TAF5: variants seen among roughly 807,000 people sequenced by gnomAD.
The protein encoded by TAF5 is TATA-box binding protein associated factor 5.
In TAF5, 20 loss-of-function variants were observed where a neutral mutation model predicts 80.9. The observed-to-expected ratio is 0.25, with a 90% CI of 0.17 to 0.36. The LOEUF (loss-of-function observed/expected upper bound fraction) is 0.36, where lower values mean the gene tolerates loss of function less well. TAF5 is among the 10% of genes least tolerant of loss of function. The pLI is 1.00. For missense variants in TAF5, 863 were observed against 1,029.4 expected, an observed-to-expected ratio of 0.84 and a Z score of 2.21; for synonymous variants, 388 against 406.4, an observed-to-expected ratio of 0.95 and a Z score of 0.55.
intron 1 of TAF5, among the ~76,000 whole-genome samples, chr10:103,368,765 C>T (rs1490537424): frequency 6.6e-6 from 1 of 152,170 alleles, no homozygotes; most frequent in Non-Finnish European, 1.5e-5. Flanking sequence ...AGCTGTTGAG[C>T]AGAGGGATGT....
At position 103,368,513 on chromosome 10, in the gene TAF5, C is replaced by T; in HGVS notation, c.524C>T (p.Ser175Leu). The T allele has an allele frequency of 6.4e-7, 1 of 1,561,726 alleles. No homozygotes were observed. The change falls in exon 1 of 11, where the codon TCA becomes TTA. Residue 175 changes from serine (S) to leucine (L), a missense_variant. Physicochemically the swap from Ser to Leu is moderately radical, Grantham distance 145. Transcript: ENST00000369839. The part of the protein sequence containing the change: ...GTGASGATVV[S>L]GSASGPAAPG... ...GGCGCTTCGGGGGCCACGGTCGTCT[C>T]AGGTTCAGCCTCAGGTCCTGCGGCT...
chr10:103,376,581 A>G (rs77202190), intron 2 of TAF5, among the ~76,000 whole-genome samples: 3 of 137,876 alleles, frequency 2.2e-5, no homozygotes, highest in African/African-American at 5.4e-5. Context: ...AGTGCTTTTG[A>G]AAAAAAAAAA....
rs2093398842 is a variant in TAF5 at position 103,387,237 on chromosome 10, A to C, written c.1892A>C (p.Asn631Thr). Residue 631 changes from asparagine to threonine, a missense_variant, in exon 9 of 11, where the codon AAT (asparagine) becomes ACT (threonine). Physicochemically the swap from Asn to Thr is moderately conservative, Grantham distance 65. Transcript: ENST00000369839. The part of the protein sequence containing the change: ...RIFAGHLADV[N>T]CTRFHPNSNY... ...TTTGCCGGCCATCTTGCTGATGTGA[A>C]TTGTACCAGATTCCATCCAAATTCT... The C allele has an allele frequency of 6.2e-7, 1 of 1,614,026 alleles. No individual in the cohort carries two copies. Among genetic ancestry groups the C allele is most frequent in the Non-Finnish European group, 8.5e-7 (1 of 1,180,028 alleles).
intron 6 of TAF5, 127 bp downstream of exon 6, chr10:103,381,968 C>G: frequency 7.5e-7 from 1 of 1,329,766 alleles, no homozygotes; most frequent in Non-Finnish European, 1.0e-6. Flanking sequence ...ACTCAAGATT[C>G]TAACATTCCC....
intron 1 of TAF5, 56 bp from the exon 2 acceptor site, chr10:103,373,302 A>T: frequency 7.0e-7 from 1 of 1,426,024 alleles, no homozygotes. Context: ...CAATACAGCC[A>T]TAGTCACATG....
chr10:103,371,258 AAAGAG>A (rs1453277663), intron 1 of TAF5, among the ~76,000 whole-genome samples: 2 of 151,862 alleles, frequency 1.3e-5, no homozygotes, highest in South Asian at 2.1e-4. Context: ...AAAAAAAAAA[AAAGAG>A]AGAGGAATCT....
intron 3 of TAF5, among the ~76,000 whole-genome samples, chr10:103,379,326 TA>T (rs1408109673): frequency 6.6e-6 from 1 of 152,196 alleles, no homozygotes; most frequent in African/African-American, 2.4e-5. Flanking sequence ...AGGAAAACAA[TA>T]TTTTTTTGAT....
Position 103,368,168 on chromosome 10 carries a change from A to T in TAF5, c.179A>T (p.Asp60Val). The change falls in exon 1 of 11, where the codon GAT (aspartate) becomes GTT (valine). Residue 60 changes from aspartate (D) to valine (V), a missense_variant. By Grantham distance (152) the Asp-to-Val change is radical. Transcript: ENST00000369839. Reference protein sequence around the residue: ...NVAASSSTGGDGGTPKPTVAV... With the variant: ...NVAASSSTGGVGGTPKPTVAV... ...GCGGCGTCGTCGTCCACTGGCGGGG[A>T]TGGCGGGACCCCCAAGCCCACGGTG... 1.4e-6 allele frequency: 2 copies of T among 1,391,096 alleles called. No homozygotes were observed. Among genetic ancestry groups the T allele is most frequent in the Non-Finnish European group, 1.9e-6 (2 of 1,074,560 alleles). The allele number at this position is 1,391,096 out of a possible 1,614,324, so 86.2% of individuals were successfully genotyped here.
chr10:103,373,195 C>CAA (rs371928380), intron 1 of TAF5, among the ~76,000 whole-genome samples, 163 bp from the exon 2 acceptor site: 7 of 99,526 alleles, frequency 7.0e-5, no homozygotes, highest in Admixed American at 1.1e-4. Flanking sequence ...GACTCCCTCT[C>CAA]AAAAAAAAAA....
At chr10:103,368,736 C>T (rs1217392870) in intron 1 of TAF5, among the ~76,000 whole-genome samples, 188 bp downstream of exon 1, 1 of 152,180 alleles carries the variant, frequency 6.6e-6, no homozygotes, top group African/African-American at 2.4e-5. Context: ...GCTGTCAGTT[C>T]CAGTGAGAAG....
At position 103,370,451 on chromosome 10, in the gene TAF5, G is replaced by T. The variant is rs562240625; in HGVS notation, c.559+1903G>T. ...AGCGATTCTCCTGCCTCAGCCTCCC[G>T]AGTAGGTGGGACCACAGGCACGTGC... On this transcript the variant is annotated intron_variant, in intron 1 of 10. Transcript: ENST00000369839. Among the ~76,000 whole-genome samples the T allele has an allele frequency of 5.5e-5, 8 of 146,418 alleles. No homozygotes were observed. The South Asian group carries it at 1.9e-3, about 34-fold the overall frequency.
rs1050324071 is a variant in TAF5 at position 103,374,231 on chromosome 10, AAG to A, written c.797+639_797+640del. 6.6e-6 allele frequency among the ~76,000 whole-genome samples: 1 copy of A among 152,234 alleles called. No homozygotes were observed. Among genetic ancestry groups the A allele is most frequent in the African/African-American group, 2.4e-5 (1 of 41,462 alleles). ...AGCAGTGTTAGGATTCGATTAGAAT[AAG>A]AGTAACTGAGAACCCAAACAACAGA... On this transcript the variant is annotated intron_variant, in intron 2 of 10. Coordinates refer to ENST00000369839, the MANE Select transcript of TAF5 (RefSeq NM_006951.5). The surrounding 1 kb of genome is among the most constrained non-coding windows in gnomAD (Gnocchi z 4.3).
intron 10 of TAF5, 122 bp downstream of exon 10, chr10:103,387,820 C>T: frequency 8.8e-7 from 1 of 1,138,704 alleles, no homozygotes; most frequent in Non-Finnish European, 1.3e-6. Context: ...TCCAGAGTGT[C>T]ATCCTACATC....
At chr10:103,372,624 G>A (rs572785650) in intron 1 of TAF5, among the ~76,000 whole-genome samples, 4 of 149,342 alleles carry the variant, frequency 2.7e-5, no homozygotes, top group Admixed American at 6.7e-5. Context: ...GGGAGCCACC[G>A]CACCCGGCGG....
intron 5 of TAF5, 149 bp downstream of exon 5, chr10:103,380,168 C>A: frequency 3.1e-6 from 3 of 980,788 alleles, no homozygotes; most frequent in Non-Finnish European, 4.4e-6. Context: ...CTCGCTCTGT[C>A]GCCCAGCTGG....
intron 8 of TAF5, among the ~76,000 whole-genome samples, chr10:103,386,436 TCAAAA>T: frequency 6.6e-6 from 1 of 152,144 alleles, no homozygotes; most frequent in Admixed American, 6.5e-5. Context: ...TGAGACTGTC[TCAAAA>T]CAAAACAACT....
intron 7 of TAF5, among the ~76,000 whole-genome samples, chr10:103,384,032 TA>T (rs2093389658): frequency 1.3e-5 from 2 of 152,238 alleles, no homozygotes; most frequent in African/African-American, 4.8e-5. Flanking sequence ...AGAACTCCAT[TA>T]GGGGTTGAAT....
intron 3 of TAF5, among the ~76,000 whole-genome samples, chr10:103,379,287 A>C (rs1161166098): frequency 6.6e-6 from 1 of 152,234 alleles, no homozygotes; most frequent in Non-Finnish European, 1.5e-5. Flanking sequence ...CAAAAGGCAT[A>C]TCTCTGCTGA....
Position 103,368,232 on chromosome 10 carries a change from G to T in TAF5, c.243G>T (p.Val81=). ...SAAAPAGAAP[V]PAAAPDAGAP... is the part of the protein sequence containing the mutation. ...CTGCCCCGGCGGGGGCGGCCCCGGT[G>T]CCCGCCGCTGCTCCGGACGCCGGCG... Residue 81 remains valine (V), a synonymous_variant, in exon 1 of 11, where the codon GTG becomes GTT. Transcript: ENST00000369839. 1 of 1,450,730 alleles carries T rather than the reference G, an allele frequency of 6.9e-7. No homozygotes were observed. The highest frequency in any genetic ancestry group is 9.1e-7 in the Non-Finnish European group (1 of 1,103,258). 89.9% of individuals were successfully genotyped at this position (1,450,730 alleles called of 1,614,324 possible).
Sources: gnomAD v4.1 joint callset for allele counts (sites outside exome capture counted in the v4.1 genomes callset) on GRCh38, gnomAD v4.1.1 for gene constraint, Gnocchi (gnomAD v3.1) non-coding constraint, MANE v1.5 for transcripts, NCBI Gene and HGNC (gene_info 2026-07-23, HGNC 2026-07-21) for gene names.